GLB1: variants seen among roughly 807,000 people sequenced by gnomAD.
The protein encoded by GLB1 is beta-galactosidase.
In GLB1, 56 loss-of-function variants were observed where a neutral mutation model predicts 74.0. That is an observed-to-expected ratio of 0.76 (90% CI 0.61 to 0.94). The LOEUF is 0.94. Among genes scored for constraint, GLB1 ranks in the 40% least tolerant of loss-of-function variants. The probability of loss-of-function intolerance (pLI) is 0.00; values close to 1 mark genes in which losing one functional copy is unlikely to be tolerated. For synonymous variants in GLB1, 323 were observed against 323.6 expected, an observed-to-expected ratio of 1.00 and a Z score of 0.02; for missense variants, 787 against 845.5, an observed-to-expected ratio of 0.93 and a Z score of 0.86.
intron 6 of GLB1, among the ~76,000 whole-genome samples, chr3:33,053,930 T>C (rs1471325682): frequency 6.6e-6 from 1 of 152,114 alleles, no homozygotes; most frequent in Non-Finnish European, 1.5e-5. Context: ...GGAGAATTGC[T>C]TGAACCCGGG....
chr3:33,017,060 G>C (rs996515120), intron 13 of GLB1, among the ~76,000 whole-genome samples: 1 of 152,204 alleles, frequency 6.6e-6, no homozygotes, highest in Non-Finnish European at 1.5e-5. Flanking sequence ...ACACAGCTCA[G>C]AGCATGGAAC....
At chr3:32,978,500 T>G in the GLB1 span, among the ~76,000 whole-genome samples, 1 of 152,232 alleles carries the variant, frequency 6.6e-6, no homozygotes, top group Non-Finnish European at 1.5e-5. Context: ...AGGAGTTTTG[T>G]AACAGACGGC....
intron 5 of GLB1, among the ~76,000 whole-genome samples, chr3:33,064,564 G>A (rs1026543923): frequency 6.6e-6 from 1 of 151,646 alleles, no homozygotes; most frequent in Non-Finnish European, 1.5e-5. Flanking sequence ...ATCACCTGAG[G>A]TCAGGAGTTT....
chr3:33,082,598 G>A (rs1397118763), intron 1 of GLB1, among the ~76,000 whole-genome samples: 1 of 152,206 alleles, frequency 6.6e-6, no homozygotes, highest in East Asian at 1.9e-4. Context: ...CTACCATGTA[G>A]GTATGGGATT....
At chr3:33,045,972 G>T in intron 10 of GLB1, 148 bp downstream of exon 10, 1 of 1,118,556 alleles carries the variant, frequency 8.9e-7, no homozygotes, top group Non-Finnish European at 1.3e-6. Context: ...GTGGGTACAA[G>T]ATGCAAACCC....
At chr3:32,984,899 G>A in the GLB1 span, among the ~76,000 whole-genome samples, 5,438 of 151,080 alleles carry the variant, frequency 0.036, 176 homozygotes, top group East Asian at 0.11. Flanking sequence ...CTGAGATCGC[G>A]CCACTGCACT....
the GLB1 span, among the ~76,000 whole-genome samples, chr3:32,989,495 T>C: frequency 6.6e-6 from 1 of 152,144 alleles, no homozygotes; most frequent in Non-Finnish European, 1.5e-5. Flanking sequence ...TGTGAATAAG[T>C]CATCTTCCAG....
intron 10 of GLB1, among the ~76,000 whole-genome samples, chr3:33,044,954 A>T (rs1403725149): frequency 6.6e-6 from 1 of 152,222 alleles, no homozygotes; most frequent in East Asian, 1.9e-4. Context: ...AACAGCAATC[A>T]CTTGCTCCAA....
downstream of GLB1, among the ~76,000 whole-genome samples, chr3:32,992,422 G>A (rs748927704): frequency 2.0e-5 from 3 of 152,208 alleles, no homozygotes; most frequent in Non-Finnish European, 4.4e-5. Context: ...CAGATGATCA[G>A]TTACCTGCTT....
At position 33,056,418 on chromosome 3, in the gene GLB1, C is replaced by CT. The variant is rs778914405; in HGVS notation, c.733+1670dup. ...ACTGGTCTTTTTTGTGTGTGTGTATCTTTTTTTTTTTTTGAGACAGGGTCT... is the reference window on the plus strand; with the variant it reads ...ACTGGTCTTTTTTGTGTGTGTGTATCTTTTTTTTTTTTTTGAGACAGGGTCT... On this transcript the variant is annotated intron_variant, in intron 6 of 15. Transcript: ENST00000307363. Among the ~76,000 whole-genome samples, 316 of 143,850 alleles carry CT rather than the reference C, an allele frequency of 2.2e-3. 1 individual carries two copies. The highest frequency in any genetic ancestry group is 2.2e-3 in the Non-Finnish European group (146 of 64,976). 94.4% of individuals were successfully genotyped at this position (143,850 alleles called of 152,430 possible). A position where few individuals can be genotyped will look rare whatever the true frequency, so the allele number is the denominator to read the frequency against.
the GLB1 span, among the ~76,000 whole-genome samples, chr3:32,985,133 T>C: frequency 2.0e-5 from 3 of 147,684 alleles, no homozygotes; most frequent in African/African-American, 7.5e-5. Flanking sequence ...AAAGCAGAAG[T>C]GTCTCTGAAT....
At chr3:33,013,147 C>A (rs745307671) in intron 15 of GLB1, among the ~76,000 whole-genome samples, 2 of 152,216 alleles carry the variant, frequency 1.3e-5, no homozygotes, top group Non-Finnish European at 2.9e-5. Flanking sequence ...TTTGCACAAG[C>A]TGTTACCTCT....
rs1200811171 is a variant in GLB1, at chr3:33,018,435, A to G, written c.1347+13T>C. The stretch of plus-strand genomic sequence containing the variant: ...CACTGGGACAAAACGCACAGTTCAG[A>G]GACGATTCTTACCCCATCCACAGCA... On this transcript the variant is annotated intron_variant, in intron 13 of 15. Transcript: ENST00000307363. 4 of 1,613,676 alleles carry G rather than the reference A, an allele frequency of 2.5e-6. No homozygotes were observed. The South Asian group carries it at 3.3e-5, about 13-fold the overall frequency.
intron 10 of GLB1, among the ~76,000 whole-genome samples, chr3:33,036,203 A>T (rs1698269653): frequency 6.6e-6 from 1 of 152,192 alleles, no homozygotes; most frequent in Admixed American, 6.5e-5. Flanking sequence ...AGGGCCTCTT[A>T]AACAGCTGCA....
chr3:33,091,600 T>A (rs1415358909), intron 1 of GLB1: 1 of 984,398 alleles, frequency 1.0e-6, no homozygotes, highest in African/African-American at 1.7e-5. Flanking sequence ...TGCACAAGGC[T>A]TGATGGATCC....
chr3:32,992,396 T>C (rs757658103), downstream of GLB1, among the ~76,000 whole-genome samples: 1 of 152,188 alleles, frequency 6.6e-6, no homozygotes, highest in Non-Finnish European at 1.5e-5. Flanking sequence ...TTCTTCCCTC[T>C]TGTCCCCCAG....
At chr3:33,056,142 G>T (rs1305416796) in intron 6 of GLB1, among the ~76,000 whole-genome samples, 1 of 141,106 alleles carries the variant, frequency 7.1e-6, no homozygotes, top group Non-Finnish European at 1.5e-5. Context: ...GTAGGAGAAT[G>T]CTTGAACCCA....
chr3:32,964,162 CA>C, the GLB1 span, among the ~76,000 whole-genome samples: 15 of 152,302 alleles, frequency 9.8e-5, no homozygotes, highest in South Asian at 4.1e-4. Context: ...TGGAGGCGAG[CA>C]GGCAGGAAAA....
the GLB1 span, among the ~76,000 whole-genome samples, chr3:32,974,954 C>A: frequency 6.6e-6 from 1 of 152,190 alleles, no homozygotes; most frequent in African/African-American, 2.4e-5. Flanking sequence ...GTAACCTAGT[C>A]AAGTTGGCAC....
Sources: gnomAD v4.1 joint callset for allele counts (sites outside exome capture counted in the v4.1 genomes callset) on GRCh38, gnomAD v4.1.1 for gene constraint, MANE v1.5 for transcripts, NCBI Gene and HGNC (gene_info 2026-07-23, HGNC 2026-07-21) for gene names.